NAA15: variants seen among roughly 807,000 people sequenced by gnomAD.
NAA15 encodes N-terminal acetyltransferase.
NAA15 carries 34 observed loss-of-function variants against 114.0 expected under a neutral mutation model. The observed-to-expected ratio is 0.30, with a 90% CI of 0.23 to 0.40. The LOEUF is 0.40. Ranked by LOEUF, NAA15 falls within the 10% of genes least tolerant of loss-of-function variation. NAA15 has a pLI of 1.00. For synonymous variants in NAA15, 340 were observed against 338.0 expected (o/e 1.01, Z -0.06); for missense variants, 658 against 1,004.5 (o/e 0.66, Z 4.66).
intron 17 of NAA15, among the ~76,000 whole-genome samples, chr4:139,383,459 A>T (rs1048872236): frequency 8.5e-5 from 13 of 152,168 alleles, no homozygotes; most frequent in Non-Finnish European, 1.6e-4. Context: ...TGATGACAAC[A>T]GTGCATTCAT....
chr4:139,349,554 A>G lies in NAA15; in HGVS notation c.784A>G (p.Lys262Glu), dbSNP rs1747711794. The change falls in exon 7 of 20, where the codon AAA (lysine) becomes GAA (glutamate). Residue 262 changes from lysine to glutamate, a missense_variant. Physicochemically the swap from Lys to Glu is moderately conservative, Grantham distance 56 (BLOSUM62 1). Around this residue, in one of 6 missense-constraint regions of NAA15, gnomAD observed 281 missense variants for 389.1 expected, o/e 0.72. Transcript: ENST00000296543. Reference protein sequence around the residue: ...ERNPENWAYYKGLEKALKPAN... With the variant: ...ERNPENWAYYEGLEKALKPAN... ...AAATCCTGAAAACTGGGCCTATTAC[A>G]AAGGCTTGGAAAAAGCACTCAAGCC... is the stretch of plus-strand genomic sequence containing the variant. 6.2e-7 allele frequency: 1 copy of G among 1,610,520 alleles called. No individual in the cohort carries two copies. The highest frequency in any genetic ancestry group is 8.5e-7 in the Non-Finnish European group (1 of 1,179,230).
intron 1 of NAA15, among the ~76,000 whole-genome samples, chr4:139,308,123 A>G (rs967487711): frequency 2.6e-5 from 4 of 151,900 alleles, no homozygotes; most frequent in South Asian, 4.2e-4. Flanking sequence ...CACCACACCC[A>G]GCTAATTTTT....
rs529794178 is a variant in NAA15 at position 139,348,729 on chromosome 4, G to A, written c.692-733G>A. Among the ~76,000 whole-genome samples the A allele has an allele frequency of 2.0e-4, 31 of 152,232 alleles. 1 individual carries two copies. In the South Asian group the frequency reaches 6.0e-3, roughly 30 times the overall value. ...TTGTTTCCTTCCATAAGAAAATGTG[G>A]AGCAAATAAACAGTTGGGATGATCT... is the stretch of plus-strand genomic sequence containing the variant. On this transcript the variant is annotated intron_variant, in intron 6 of 19. Transcript: ENST00000296543.
At chr4:139,307,612 T>C (rs977392126) in intron 1 of NAA15, among the ~76,000 whole-genome samples, 3 of 152,212 alleles carry the variant, frequency 2.0e-5, no homozygotes, top group African/African-American at 7.2e-5. Flanking sequence ...CTAGTGCAAC[T>C]GAGGAAATGA....
At chr4:139,340,185 G>C (rs969127961) in intron 3 of NAA15, among the ~76,000 whole-genome samples, 1 of 152,114 alleles carries the variant, frequency 6.6e-6, no homozygotes, top group Non-Finnish European at 1.5e-5. Context: ...TAGCTGGCAT[G>C]CTGGTGTGTG....
At chr4:139,309,426 AGTGT>A (rs70943412) in intron 1 of NAA15, among the ~76,000 whole-genome samples, 2,942 of 143,580 alleles carry the variant, frequency 0.02, 46 homozygotes, top group African/African-American at 0.044. Context: ...TTGCTTTTTA[AGTGT>A]GTGTGTGTGT....
At chr4:139,329,690 C>G (rs767663813) in intron 1 of NAA15, among the ~76,000 whole-genome samples, 1 of 152,216 alleles carries the variant, frequency 6.6e-6, no homozygotes, top group Non-Finnish European at 1.5e-5. Flanking sequence ...GCGTCCTCAT[C>G]ATTCTTTGTC....
intron 17 of NAA15, among the ~76,000 whole-genome samples, chr4:139,381,350 T>A (rs995424242): frequency 8.5e-5 from 13 of 152,104 alleles, no homozygotes; most frequent in Admixed American, 3.3e-4. Context: ...TATTATTTTC[T>A]TAAATGTTTA....
intron 1 of NAA15, among the ~76,000 whole-genome samples, chr4:139,315,132 G>A (rs1457303564): frequency 4.0e-5 from 6 of 151,440 alleles, no homozygotes; most frequent in Admixed American, 6.6e-5. Context: ...GCGCGATCCC[G>A]GCTCACTGCA....
At position 139,361,716 on chromosome 4, in the gene NAA15, T is replaced by C; in HGVS notation, c.1540-8T>C. 6.6e-7 allele frequency: 1 copy of C among 1,522,190 alleles called. No individual in the cohort carries two copies. Among genetic ancestry groups the C allele is most frequent in the Non-Finnish European group, 8.9e-7 (1 of 1,121,052 alleles). The allele number at this position is 1,522,190 out of a possible 1,614,324, so 94.3% of individuals were successfully genotyped here. On this transcript the variant is annotated splice_region_variant and splice_polypyrimidine_tract_variant and intron_variant, in intron 13 of 19. Coordinates refer to ENST00000296543, the MANE Select transcript of NAA15 (RefSeq NM_057175.5). ...TTCGGTATAATAATAAAAAGATAAT[T>C]TTGTTAGCATTTTATAGAAATCACT...
At position 139,309,469 on chromosome 4, in the gene NAA15, G is replaced by T. The variant is rs182564597; in HGVS notation, c.54+7638G>T. Among the ~76,000 whole-genome samples, 72 of 136,052 alleles carry T rather than the reference G, an allele frequency of 5.3e-4. 2 individuals carry two copies. The East Asian group carries it at 9.6e-3, about 18-fold the overall frequency. The allele number at this position is 136,052 out of a possible 152,430, so 89.3% of individuals were successfully genotyped here. On this transcript the variant is annotated intron_variant, in intron 1 of 19. Transcript: ENST00000296543. ...TGTGTGTGTGTGTGTGTGTGTGTGTGTCCAGGATTTCACTGTGTTGCCCAG... is the reference window on the plus strand; with the variant it reads ...TGTGTGTGTGTGTGTGTGTGTGTGTTTCCAGGATTTCACTGTGTTGCCCAG...
chr4:139,383,762 T>C (rs1391851374), intron 17 of NAA15, among the ~76,000 whole-genome samples: 6 of 152,232 alleles, frequency 3.9e-5, no homozygotes, highest in Non-Finnish European at 7.3e-5. Flanking sequence ...TGAGCCACCG[T>C]GCCCAGCCTA....
intron 3 of NAA15, among the ~76,000 whole-genome samples, chr4:139,337,253 A>G (rs1747228390): frequency 6.6e-6 from 1 of 152,208 alleles, no homozygotes; most frequent in South Asian, 2.1e-4. Context: ...CCGCTACCCC[A>G]TTTGTTGAAA....
chr4:139,332,479 T>A (rs1342388771), intron 1 of NAA15, among the ~76,000 whole-genome samples: 1 of 151,728 alleles, frequency 6.6e-6, no homozygotes, highest in African/African-American at 2.4e-5. Flanking sequence ...AATGGCTTCC[T>A]AAGGAAGAAT....
At chr4:139,340,838 T>C in intron 3 of NAA15, 74 bp from the exon 4 acceptor site, 7 of 1,225,560 alleles carry the variant, frequency 5.7e-6, no homozygotes, top group Non-Finnish European at 7.7e-6. Context: ...GCTGTGGTTC[T>C]CCAAGTTTTT....
In NAA15 at chr4:139,321,471, GT is replaced by G. The variant is rs909254599; in HGVS notation, c.55-12685del. Reference sequence around the variant, plus strand: ...GAGCCACAGTGCCTGGCCCTTATTTGTTTTTTTTTTTTTTTTTTGAAACGGA... The same window carrying G: ...GAGCCACAGTGCCTGGCCCTTATTTGTTTTTTTTTTTTTTTTTGAAACGGA... On this transcript the variant is annotated intron_variant, in intron 1 of 19. Coordinates refer to ENST00000296543, the MANE Select transcript of NAA15 (RefSeq NM_057175.5). 8.7e-4 allele frequency among the ~76,000 whole-genome samples: 99 copies of G among 113,236 alleles called. 1 individual carries two copies. Among genetic ancestry groups the G allele is most frequent in the Admixed American group, 1.2e-3 (13 of 10,778 alleles). The allele number at this position is 113,236 out of a possible 152,430, so 74.3% of individuals were successfully genotyped here.
rs1460967344 is a variant in NAA15 at position 139,352,710 on chromosome 4, C to G, written c.1014+1099C>G. Among the ~76,000 whole-genome samples, 3 of 147,916 alleles carry G rather than the reference C, an allele frequency of 2.0e-5. No individual in the cohort carries two copies. In the East Asian group the frequency reaches 5.9e-4, roughly 29 times the overall value. On this transcript the variant is annotated intron_variant, in intron 9 of 19. Transcript: ENST00000296543. ...GAGACGGAGTTTCACTCTTGTCGCCCAGGCTGGAGTGCAATGGCGTGATCT... is the reference window on the plus strand; with the variant it reads ...GAGACGGAGTTTCACTCTTGTCGCCGAGGCTGGAGTGCAATGGCGTGATCT...
rs138657878 is a variant in NAA15, at chr4:139,334,900, A to G, written c.139+642A>G. ...AGAAGGGGGAGAGTAGTAATTCTCC[A>G]TTAGATTCCTTGCCTTTTTTTTGGC... On this transcript the variant is annotated intron_variant, in intron 2 of 19. Transcript: ENST00000296543. 5.0e-3 allele frequency among the ~76,000 whole-genome samples: 758 copies of G among 152,340 alleles called. 6 individuals are homozygous for G. The highest frequency in any genetic ancestry group is 9.0e-3 in the Non-Finnish European group (611 of 68,038).
In NAA15 at chr4:139,359,776, A is replaced by G. The variant is rs758765954; in HGVS notation, c.1291A>G (p.Met431Val). The change falls in exon 12 of 20, where the codon ATG (methionine) becomes GTG (valine). Residue 431 changes from methionine to valine, a missense_variant. Met to Val is a conservative substitution (Grantham distance 21). Coordinates refer to ENST00000296543, the MANE Select transcript of NAA15 (RefSeq NM_057175.5). ...AGNIKEAARW[M>V]DEAQALDTAD... ...AAATATTAAAGAAGCTGCAAGGTGG[A>G]TGGATGAGGCCCAGGCCTTGGACAC... The G allele has an allele frequency of 6.2e-7, 1 of 1,604,170 alleles. No individual in the cohort carries two copies. Among genetic ancestry groups the G allele is most frequent in the Non-Finnish European group, 8.5e-7 (1 of 1,177,964 alleles).
Sources: allele counts gnomAD v4.1 joint callset (sites outside exome capture counted in the v4.1 genomes callset), GRCh38; gene constraint gnomAD v4.1.1; regional missense constraint gnomAD v4.1.1; transcripts MANE v1.5; gene names NCBI Gene and HGNC (gene_info 2026-07-23, HGNC 2026-07-21).